NEK10: variants seen among roughly 807,000 people sequenced by gnomAD.
NEK10 encodes the protein NIMA related kinase 10.
Under a neutral mutation model 159.8 loss-of-function variants are expected in NEK10, and 122 were observed. The ratio of observed to expected loss-of-function variants is 0.76; its 90% confidence interval spans 0.66 to 0.89. NEK10 has a LOEUF of 0.89. NEK10 is among the 40% of genes least tolerant of loss of function. The pLI is 0.00. For missense variants in NEK10, 1,342 were observed against 1,323.1 expected, an observed-to-expected ratio of 1.01 and a Z score of -0.22; for synonymous variants, 466 against 457.1, an observed-to-expected ratio of 1.02 and a Z score of -0.25.
At chr3:27,163,863 C>T (rs1162540543) in intron 29 of NEK10, among the ~76,000 whole-genome samples, 1 of 152,136 alleles carries the variant, frequency 6.6e-6, no homozygotes, top group East Asian at 1.9e-4. Context: ...CTTGTCCCAA[C>T]CTTTTCGTTT....
intron 23 of NEK10, chr3:27,252,365 G>A: frequency 3.4e-6 from 1 of 294,810 alleles, no homozygotes; most frequent in South Asian, 3.4e-5. Flanking sequence ...TCTGAAGGAA[G>A]AGTATTCCAA....
At chr3:27,258,685 T>A (rs10155022) in intron 22 of NEK10, among the ~76,000 whole-genome samples, 1 of 151,950 alleles carries the variant, frequency 6.6e-6, no homozygotes, top group Non-Finnish European at 1.5e-5. Flanking sequence ...ACTTACGTGT[T>A]CATGTGTCTT....
chr3:27,174,622 T>C (rs772755935), intron 27 of NEK10, 28 bp downstream of exon 27: 4 of 1,601,438 alleles, frequency 2.5e-6, no homozygotes, highest in South Asian at 1.1e-5. Context: ...TAGCAGTACC[T>C]ACGTTGACAC....
chr3:27,184,964 TA>T (rs563671169), intron 26 of NEK10, among the ~76,000 whole-genome samples: 9 of 152,086 alleles, frequency 5.9e-5, no homozygotes, highest in African/African-American at 1.2e-4. Context: ...TAATTTGCAT[TA>T]AAAAAATGAG....
chr3:27,157,336 T>C (rs144805419), intron 30 of NEK10, among the ~76,000 whole-genome samples: 23 of 152,108 alleles, frequency 1.5e-4, no homozygotes, highest in African/African-American at 5.3e-4. Context: ...AAAATTATGA[T>C]GAATGGTCAA....
chr3:27,328,507 T>C (rs1328526775), intron 5 of NEK10, among the ~76,000 whole-genome samples: 1 of 152,180 alleles, frequency 6.6e-6, no homozygotes, highest in Non-Finnish European at 1.5e-5. Flanking sequence ...GAGGCAGGAA[T>C]ACTGTAAACT....
intron 23 of NEK10, among the ~76,000 whole-genome samples, chr3:27,232,398 T>G (rs530731205): frequency 6.6e-6 from 1 of 152,048 alleles, no homozygotes; most frequent in East Asian, 1.9e-4. Context: ...CAAACACTGC[T>G]GAAAGAAATC....
intron 33 of NEK10, among the ~76,000 whole-genome samples, chr3:27,118,293 G>A (rs1356888316): frequency 6.6e-6 from 1 of 152,072 alleles, no homozygotes; most frequent in Non-Finnish European, 1.5e-5. Context: ...TTGTCTTGCT[G>A]GACAGACTTT....
Position 27,107,443 on chromosome 3 carries a change from C to T in NEK10, c.*3829G>A, listed in dbSNP as rs1939112605. Among the ~76,000 whole-genome samples the T allele has an allele frequency of 6.6e-6, 1 of 152,120 alleles. No homozygotes were observed. Among genetic ancestry groups the T allele is most frequent in the South Asian group, 2.1e-4 (1 of 4,832 alleles). ...TCCTATCAATATGAAAAACAGCGTT[C>T]AAGTGTAAGCATATTGTTAGCAACA... is the stretch of plus-strand genomic sequence containing the variant. On this transcript the variant is annotated 3_prime_UTR_variant, in exon 36 of 36. Coordinates refer to ENST00000691995, the MANE Select transcript of NEK10 (RefSeq NM_001394966.1).
At chr3:27,237,138 A>T (rs9856217) in intron 23 of NEK10, among the ~76,000 whole-genome samples, 3 of 152,244 alleles carry the variant, frequency 2.0e-5, no homozygotes, top group African/African-American at 4.8e-5. Context: ...GAAGAAAAAT[A>T]TGGCTCTATT....
intron 5 of NEK10, among the ~76,000 whole-genome samples, chr3:27,330,150 G>T (rs1236154664): frequency 6.6e-6 from 1 of 151,640 alleles, no homozygotes; most frequent in Non-Finnish European, 1.5e-5. Flanking sequence ...GACTGTGCCT[G>T]TGTGTGTGTG....
At chr3:27,184,509 T>C (rs1336524984) in intron 26 of NEK10, among the ~76,000 whole-genome samples, 1 of 152,208 alleles carries the variant, frequency 6.6e-6, no homozygotes, top group Non-Finnish European at 1.5e-5. Context: ...CAAAAGCCAC[T>C]GAACTAGGCA....
intron 19 of NEK10, among the ~76,000 whole-genome samples, chr3:27,290,309 C>T (rs561040425): frequency 1.3e-5 from 2 of 152,172 alleles, no homozygotes; most frequent in Admixed American, 6.5e-5. Flanking sequence ...AACCAAATAT[C>T]CTAAAATATA....
chr3:27,224,836 C>A (rs957293465), intron 23 of NEK10, among the ~76,000 whole-genome samples: 1 of 152,080 alleles, frequency 6.6e-6, no homozygotes, highest in Non-Finnish European at 1.5e-5. Context: ...ATAGGACCAC[C>A]AAAAGTATTA....
At position 27,314,291 on chromosome 3, in the gene NEK10, T is replaced by C. The variant is rs778345288; in HGVS notation, c.489+6A>G. The C allele has an allele frequency of 1.9e-5, 31 of 1,597,938 alleles. No homozygotes were observed. Among genetic ancestry groups the C allele is most frequent in the Non-Finnish European group, 2.6e-5 (31 of 1,169,856 alleles). On this transcript the variant is annotated splice_donor_region_variant and intron_variant, in intron 7 of 35. Transcript: ENST00000691995. Reference sequence around the variant, plus strand: ...GCAAGACCAGCCACCACAAAAGGAATCTTACCTGAGCTAGGTTTTCAATCC... The same window carrying C: ...GCAAGACCAGCCACCACAAAAGGAACCTTACCTGAGCTAGGTTTTCAATCC...
chr3:27,242,155 G>A (rs1954623765), intron 23 of NEK10, among the ~76,000 whole-genome samples: 1 of 152,136 alleles, frequency 6.6e-6, no homozygotes, highest in African/African-American at 2.4e-5. Flanking sequence ...GGGACTTTTG[G>A]CATTGATACT....
chr3:27,363,216 A>G (rs1373351050), intron 1 of NEK10, among the ~76,000 whole-genome samples: 1 of 152,208 alleles, frequency 6.6e-6, no homozygotes, highest in Non-Finnish European at 1.5e-5. Context: ...TGAAGTATCC[A>G]TTCTTTGAGC....
intron 5 of NEK10, among the ~76,000 whole-genome samples, chr3:27,340,992 T>C (rs1484214691): frequency 2.0e-5 from 3 of 152,124 alleles, no homozygotes; most frequent in East Asian, 1.9e-4. Flanking sequence ...GTAGTATATA[T>C]ATAAAATGAA....
intron 30 of NEK10, among the ~76,000 whole-genome samples, chr3:27,161,081 C>T (rs186642940): frequency 2.0e-5 from 3 of 152,054 alleles, no homozygotes; most frequent in South Asian, 2.1e-4. Flanking sequence ...TCAGTGCCAC[C>T]GACATAAAAT....
Sources: gnomAD v4.1 joint callset for allele counts (sites outside exome capture counted in the v4.1 genomes callset) on GRCh38, gnomAD v4.1.1 for gene constraint, MANE v1.5 for transcripts, NCBI Gene and HGNC (gene_info 2026-07-23, HGNC 2026-07-21) for gene names.